TMEM184B: variants seen among roughly 807,000 people sequenced by gnomAD.
The protein encoded by TMEM184B is putative MAPK-activating protein FM08.
Under a neutral mutation model 41.8 loss-of-function variants are expected in TMEM184B, and 17 were observed. The ratio of observed to expected loss-of-function variants is 0.41; its 90% CI spans 0.28 to 0.61. The LOEUF (loss-of-function observed/expected upper bound fraction) is 0.61, where lower values mean the gene tolerates loss of function less well. TMEM184B is among the 20% of genes least tolerant of loss of function. The probability of loss-of-function intolerance (pLI) is 0.34; values close to 1 mark genes in which losing one functional copy is unlikely to be tolerated. For missense variants in TMEM184B, 393 were observed against 557.8 expected (o/e 0.70, Z 2.98); for synonymous variants, 240 against 229.5 (o/e 1.05, Z -0.41).
chr22:38,267,466 G>A (rs953895563), intron 1 of TMEM184B, among the ~76,000 whole-genome samples: 16 of 144,876 alleles, frequency 1.1e-4, no homozygotes, highest in Middle Eastern at 3.2e-3. Context: ...ATGGAGTTTC[G>A]CTGTCACCCA....
chr22:38,248,874 C>T (rs1440644864), intron 1 of TMEM184B, among the ~76,000 whole-genome samples: 3 of 152,232 alleles, frequency 2.0e-5, no homozygotes, highest in Non-Finnish European at 2.9e-5. Flanking sequence ...CATTTCTCCC[C>T]CTTTCCTTAA....
downstream of TMEM184B, among the ~76,000 whole-genome samples, chr22:38,217,830 CAAAAAA>C (rs374397588): frequency 2.3e-5 from 2 of 87,860 alleles, no homozygotes; most frequent in African/African-American, 4.6e-5. Context: ...GACTCCATCT[CAAAAAA>C]AAAAAAAAAA....
chr22:38,221,989 G>A (rs754843369), intron 8 of TMEM184B: 53 of 502,646 alleles, frequency 1.1e-4, no homozygotes, highest in East Asian at 5.1e-4. Flanking sequence ...AGGGACCCAG[G>A]GTGGAGACTG....
intron 3 of TMEM184B, among the ~76,000 whole-genome samples, chr22:38,243,936 G>A (rs2091968736): frequency 6.6e-6 from 1 of 152,138 alleles, no homozygotes; most frequent in Non-Finnish European, 1.5e-5. Flanking sequence ...CCGAGGACCT[G>A]GATGGGTGCT....
In TMEM184B at chr22:38,245,842, T is replaced by C. The variant is rs2092014352; in HGVS notation, c.358+93A>G. ...AGCAGCAAGGGGTGTGTCAAGACAGTCCTCATGAAGCCCCTCGGGGAGGAA... is the reference window on the plus strand; with the variant it reads ...AGCAGCAAGGGGTGTGTCAAGACAGCCCTCATGAAGCCCCTCGGGGAGGAA... On this transcript the variant is annotated intron_variant, in intron 3 of 8. Transcript: ENST00000361906. 18 of 1,321,362 alleles carry C rather than the reference T, an allele frequency of 1.4e-5. 1 individual carries two copies. Among genetic ancestry groups the C allele is most frequent in the Non-Finnish European group, 1.8e-5 (17 of 964,098 alleles). 81.9% of individuals were successfully genotyped at this position (1,321,362 alleles called of 1,614,324 possible).
At chr22:38,235,035 A>G (rs1021591761) in intron 3 of TMEM184B, among the ~76,000 whole-genome samples, 2 of 152,228 alleles carry the variant, frequency 1.3e-5, no homozygotes, top group African/African-American at 4.8e-5. Context: ...AACTCCTTGC[A>G]GGTAGAATGC....
intron 1 of TMEM184B, among the ~76,000 whole-genome samples, chr22:38,263,381 T>C (rs1401470247): frequency 6.6e-6 from 1 of 152,184 alleles, no homozygotes; most frequent in African/African-American, 2.4e-5. Context: ...ACACTTTTGA[T>C]TCTCTTCCCT....
chr22:38,237,733 G>T (rs2091811532), intron 3 of TMEM184B, among the ~76,000 whole-genome samples: 1 of 152,102 alleles, frequency 6.6e-6, no homozygotes. Context: ...GGGGGCAGGG[G>T]TCTGCGTGGT....
At chr22:38,228,550 G>A (rs1444934784) in intron 5 of TMEM184B, among the ~76,000 whole-genome samples, 1 of 152,174 alleles carries the variant, frequency 6.6e-6, no homozygotes, top group African/African-American at 2.4e-5. Flanking sequence ...AGGTTCCAGG[G>A]CTCCATTCCA....
At chr22:38,237,796 ACT>A (rs2145637434) in intron 3 of TMEM184B, among the ~76,000 whole-genome samples, 1 of 144,794 alleles carries the variant, frequency 6.9e-6, no homozygotes, top group South Asian at 2.2e-4. Flanking sequence ...TCTCCTCCCT[ACT>A]GTCTTTTTTT....
At chr22:38,265,370 G>A (rs574533459) in intron 1 of TMEM184B, among the ~76,000 whole-genome samples, 7 of 152,104 alleles carry the variant, frequency 4.6e-5, no homozygotes, top group Non-Finnish European at 7.3e-5. Context: ...CTTTATTCAC[G>A]TGCTTTCCAG....
chr22:38,241,332 G>C (rs1238251137), intron 3 of TMEM184B, among the ~76,000 whole-genome samples: 1 of 152,082 alleles, frequency 6.6e-6, no homozygotes, highest in Non-Finnish European at 1.5e-5. Context: ...GGTATATGTA[G>C]AAAACTCAGC....
At chr22:38,249,987 C>A (rs999506404) in intron 1 of TMEM184B, among the ~76,000 whole-genome samples, 1 of 152,260 alleles carries the variant, frequency 6.6e-6, no homozygotes, top group Non-Finnish European at 1.5e-5. Flanking sequence ...CCAGCTCCCC[C>A]GCCAACCAGC....
chr22:38,240,732 C>CAAAAAAAAAAAAAAAAAAAAA, intron 3 of TMEM184B, among the ~76,000 whole-genome samples: 1 of 66,562 alleles, frequency 1.5e-5, no homozygotes, highest in Non-Finnish European at 2.9e-5. Context: ...GAAAAAAAGG[C>CAAAAAAAAAAAAAAAAAAAAA]AAAAAAAAAA....
In TMEM184B at chr22:38,219,644, C is replaced by T; in HGVS notation, c.*1825G>A. Reference sequence around the variant, plus strand: ...GGACCGCTGATTCCCTGCCACTGAGCTCCCCCCACCCTCCACGCAAACAGC... The same window carrying T: ...GGACCGCTGATTCCCTGCCACTGAGTTCCCCCCACCCTCCACGCAAACAGC... On this transcript the variant is annotated 3_prime_UTR_variant, in exon 9 of 9. Transcript: ENST00000361906. 1.0e-6 allele frequency: 1 copy of T among 985,520 alleles called. No individual in the cohort carries two copies. Among genetic ancestry groups the T allele is most frequent in the Non-Finnish European group, 1.2e-6 (1 of 829,944 alleles). 61.0% of individuals were successfully genotyped at this position (985,520 alleles called of 1,614,324 possible). A position where few individuals can be genotyped will look rare whatever the true frequency, so the allele number is the denominator to read the frequency against.
In TMEM184B at chr22:38,221,216, G is replaced by A. The variant is rs2091250284; in HGVS notation, c.*253C>T. 7.4e-7 allele frequency: 1 copy of A among 1,359,804 alleles called. No homozygotes were observed. The highest frequency in any genetic ancestry group is 9.4e-7 in the Non-Finnish European group (1 of 1,058,482). 84.2% of individuals were successfully genotyped at this position (1,359,804 alleles called of 1,614,324 possible). On this transcript the variant is annotated 3_prime_UTR_variant, in exon 9 of 9. Coordinates refer to ENST00000361906, the MANE Select transcript of TMEM184B (RefSeq NM_012264.5). ...CACAGGACGGGCAGCAGGGGCATAAGCCTTGCTCCCAGTGTCCTCTGCCCT... is the reference window on the plus strand; with the variant it reads ...CACAGGACGGGCAGCAGGGGCATAAACCTTGCTCCCAGTGTCCTCTGCCCT...
chr22:38,252,084 G>T (rs1163504778), intron 1 of TMEM184B, among the ~76,000 whole-genome samples: 1 of 147,566 alleles, frequency 6.8e-6, no homozygotes. Context: ...TTTTGAGACA[G>T]AGCTTCACTC....
intron 1 of TMEM184B, among the ~76,000 whole-genome samples, chr22:38,269,541 G>A (rs1197271525): frequency 6.6e-6 from 1 of 152,096 alleles, no homozygotes; most frequent in African/African-American, 2.4e-5. Context: ...AGAAAAAAAA[G>A]TTCCAGCTGA....
At chr22:38,244,080 T>G (rs1192948886) in intron 3 of TMEM184B, among the ~76,000 whole-genome samples, 1 of 151,944 alleles carries the variant, frequency 6.6e-6, no homozygotes, top group Admixed American at 6.6e-5. Flanking sequence ...GTGGCCGCAG[T>G]TGGGGGTGGG....
Sources: allele counts gnomAD v4.1 joint callset (sites outside exome capture counted in the v4.1 genomes callset), GRCh38; gene constraint gnomAD v4.1.1; transcripts MANE v1.5; gene names NCBI Gene and HGNC (gene_info 2026-07-23, HGNC 2026-07-21).